Variants in MYH14 observed in about 807,000 individuals in gnomAD.
MYH14 encodes myosin-14.
A neutral mutation model predicts 255.5 loss-of-function variants in MYH14; 123 were observed. The observed-to-expected ratio is 0.48, with a 90% CI of 0.42 to 0.56. The LOEUF (loss-of-function observed/expected upper bound fraction) is 0.56. Ranked by LOEUF, MYH14 falls within the 20% of genes least tolerant of loss-of-function variation. The pLI is 0.00. For missense variants in MYH14, 2,423 were observed against 2,802.3 expected, an observed-to-expected ratio of 0.86 and a Z score of 3.06; for synonymous variants, 1,095 against 1,161.2, an observed-to-expected ratio of 0.94 and a Z score of 1.16.
intron 18 of MYH14, among the ~76,000 whole-genome samples, chr19:50,257,827 GGTGA>G (rs2034647976): frequency 1.3e-5 from 2 of 152,146 alleles, no homozygotes; most frequent in Admixed American, 6.6e-5. Context: ...CTGTAGGGGT[GGTGA>G]GTATCACACA....
chr19:50,271,997 G>C, intron 26 of MYH14, 25 bp downstream of exon 26: 1 of 1,602,162 alleles, frequency 6.2e-7, no homozygotes. Context: ...AGCCAGTAGG[G>C]GTCTGTGTGT....
intron 10 of MYH14, among the ~76,000 whole-genome samples, chr19:50,240,458 G>A (rs1354852168): frequency 6.6e-6 from 1 of 152,116 alleles, no homozygotes; most frequent in Non-Finnish European, 1.5e-5. Context: ...GTGAGCATCT[G>A]TAGTCCAGCT....
chr19:50,292,398 G>T lies in MYH14; in HGVS notation c.5256+9G>T. 6.4e-7 allele frequency: 1 copy of T among 1,564,570 alleles called. No individual in the cohort carries two copies. The highest frequency in any genetic ancestry group is 8.6e-7 in the Non-Finnish European group (1 of 1,156,516). The stretch of plus-strand genomic sequence containing the variant: ...TGCTGCGGCTGCAGGAGGTGAGGCT[G>T]GGGTAGGCTGGGCCCTGGGACAGGA... On this transcript the variant is annotated intron_variant, in intron 37 of 42. Coordinates refer to ENST00000642316, the MANE Select transcript of MYH14 (RefSeq NM_001145809.2).
intron 42 of MYH14, 177 bp downstream of exon 42, chr19:50,309,354 C>T: frequency 1.5e-6 from 1 of 658,708 alleles, no homozygotes; most frequent in Non-Finnish European, 2.7e-6. Context: ...CTTCTTTCTT[C>T]CCACACCCAT....
chr19:50,260,717 T>C lies in MYH14; in HGVS notation c.2424+2T>C. ...GGGAAGCAGGCCTGTGAAAAGATGG[T>C]GAGTGGGGCAGAGCCTGGAATGCGT... On this transcript the variant is annotated splice_donor_variant, in intron 20 of 42. Coordinates refer to ENST00000642316, the MANE Select transcript of MYH14 (RefSeq NM_001145809.2). LOFTEE classifies it high-confidence loss of function. 1.2e-6 allele frequency: 2 copies of C among 1,610,216 alleles called. No individual in the cohort carries two copies. The highest frequency in any genetic ancestry group is 1.7e-6 in the Non-Finnish European group (2 of 1,178,596).
chr19:50,284,367 T>G (rs2035820875), intron 33 of MYH14, among the ~76,000 whole-genome samples: 1 of 151,920 alleles, frequency 6.6e-6, no homozygotes, highest in Non-Finnish European at 1.5e-5. Flanking sequence ...TTTTGTTTGT[T>G]TGTTTGTTTT....
At chr19:50,228,209 C>A (rs1489442443) in intron 8 of MYH14, among the ~76,000 whole-genome samples, 1 of 151,286 alleles carries the variant, frequency 6.6e-6, no homozygotes, top group Non-Finnish European at 1.5e-5. Context: ...TTGCTTGAAC[C>A]TGGGAGGCAG....
intron 8 of MYH14, among the ~76,000 whole-genome samples, chr19:50,228,296 A>G (rs2033206860): frequency 6.6e-6 from 1 of 152,016 alleles, no homozygotes; most frequent in Non-Finnish European, 1.5e-5. Context: ...AAAAAAAAAA[A>G]AAAGGTTAAA....
Position 50,280,894 on chromosome 19 carries a change from T to C in MYH14, c.4290+511T>C, listed in dbSNP as rs1036083125. On this transcript the variant is annotated intron_variant, in intron 32 of 42. Transcript: ENST00000642316. This position sits in a 1 kb window ranked among gnomAD's most constrained non-coding sequence, Gnocchi z 4.8. Reference sequence around the variant, plus strand: ...TTTCCTATTTTATTTGAAAAAAACCTTTTATTTTTCCAGACTTAGCATTAG... The same window carrying C: ...TTTCCTATTTTATTTGAAAAAAACCCTTTATTTTTCCAGACTTAGCATTAG... Among the ~76,000 whole-genome samples, 4 of 152,206 alleles carry C rather than the reference T, an allele frequency of 2.6e-5. No homozygotes were observed. Among genetic ancestry groups the C allele is most frequent in the African/African-American group, 7.2e-5 (3 of 41,454 alleles).
At chr19:50,299,893 C>A (rs1030309282) in intron 39 of MYH14, among the ~76,000 whole-genome samples, 1 of 151,376 alleles carries the variant, frequency 6.6e-6, no homozygotes, top group Non-Finnish European at 1.5e-5. Flanking sequence ...TGCAGTGAGC[C>A]GAGATCGTGC....
At chr19:50,257,113 C>A (rs1341440010) in intron 17 of MYH14, among the ~76,000 whole-genome samples, 186 bp from the exon 18 acceptor site, 1 of 152,196 alleles carries the variant, frequency 6.6e-6, no homozygotes, top group African/African-American at 2.4e-5. Flanking sequence ...AGCACATTCT[C>A]CCACTCTTCA....
intron 18 of MYH14, among the ~76,000 whole-genome samples, chr19:50,257,932 G>T (rs386168): frequency 6.6e-6 from 1 of 151,878 alleles, no homozygotes; most frequent in Non-Finnish European, 1.5e-5. Flanking sequence ...AGGCAGAGAA[G>T]AGTTTGTACA....
intron 9 of MYH14, among the ~76,000 whole-genome samples, chr19:50,231,538 A>G (rs1348888235): frequency 2.6e-5 from 4 of 152,038 alleles, no homozygotes; most frequent in Non-Finnish European, 5.9e-5. Flanking sequence ...TGAGACCCCC[A>G]TCTCTGTAAA....
chr19:50,257,441 C>T lies in MYH14; in HGVS notation c.2187C>T (p.Thr729=). The stretch of plus-strand genomic sequence containing the variant: ...GCCTCATGGCCACACTCAGCAACAC[C>T]AACCCCAGTTTTGTCCGCTGCATTG... ...LSRLMATLSN[T]NPSFVRCIVP... Residue 729 remains threonine, a synonymous_variant, in exon 18 of 43, where the codon ACC becomes ACT. Coordinates refer to ENST00000642316, the MANE Select transcript of MYH14 (RefSeq NM_001145809.2). The T allele has an allele frequency of 6.2e-7, 1 of 1,608,042 alleles. No individual in the cohort carries two copies. Among genetic ancestry groups the T allele is most frequent in the Non-Finnish European group, 8.5e-7 (1 of 1,177,160 alleles).
Position 50,223,342 on chromosome 19 carries a change from G to A in MYH14, c.686G>A (p.Gly229Asp). 2 of 1,571,446 alleles carry A rather than the reference G, an allele frequency of 1.3e-6. No homozygotes were observed. Among genetic ancestry groups the A allele is most frequent in the Non-Finnish European group, 1.7e-6 (2 of 1,158,348 alleles). The change falls in exon 5 of 43, where the codon GGT becomes GAT. Residue 229 changes from glycine (G) to aspartate (D), a missense_variant. Gly to Asp is a moderately conservative substitution (Grantham distance 94). Around this residue, in one of 3 missense-constraint regions of MYH14, gnomAD observed 672 missense variants for 881.8 expected, o/e 0.76. Transcript: ENST00000642316. Reference protein sequence around the residue: ...ASSPKGRKEPGVPASVSTVSY... With the variant: ...ASSPKGRKEPDVPASVSTVSY... Reference sequence around the variant, plus strand: ...TCTCCAAAGGGCAGGAAGGAGCCGGGTGTCCCCGTAAGCAACCCCGCCTTG... The same window carrying A: ...TCTCCAAAGGGCAGGAAGGAGCCGGATGTCCCCGTAAGCAACCCCGCCTTG...
In MYH14 at chr19:50,250,157, G is replaced by A. The variant is rs1280139334; in HGVS notation, c.1656+334G>A. ...GCTCTATCGCCCAGGCTGGAGTGCA[G>A]CGGCGCGATCTCTGCTTACTGCAAG... is the stretch of plus-strand genomic sequence containing the variant. On this transcript the variant is annotated intron_variant, in intron 14 of 42. Coordinates refer to ENST00000642316, the MANE Select transcript of MYH14 (RefSeq NM_001145809.2). The surrounding 1 kb of genome is among the most constrained non-coding windows in gnomAD (Gnocchi z 5.4). Among the ~76,000 whole-genome samples the A allele has an allele frequency of 1.3e-5, 2 of 152,192 alleles. No homozygotes were observed. The highest frequency in any genetic ancestry group is 3.8e-4 in the East Asian group (2 of 5,196).
At chr19:50,209,783 C>CAAAAAAAAA (rs1209985827) in intron 1 of MYH14, among the ~76,000 whole-genome samples, 17 of 65,660 alleles carry the variant, frequency 2.6e-4, no homozygotes, top group African/African-American at 8.7e-4. Context: ...GACTCCATCT[C>CAAAAAAAAA]AAAAAAAAAA....
At chr19:50,281,986 TG>T (rs2035741921) in intron 33 of MYH14, 144 bp downstream of exon 33, 1 of 853,524 alleles carries the variant, frequency 1.2e-6, no homozygotes, top group Non-Finnish European at 1.8e-6. Flanking sequence ...TTCTTTGCTC[TG>T]GGCCTCTGTA....
chr19:50,300,010 G>A (rs950355223), intron 39 of MYH14, among the ~76,000 whole-genome samples: 4 of 152,094 alleles, frequency 2.6e-5, no homozygotes, highest in African/African-American at 7.2e-5. Context: ...TTTTAAATGG[G>A]TAGGATTCAA....
Sources: allele counts gnomAD v4.1 joint callset (sites outside exome capture counted in the v4.1 genomes callset), GRCh38; gene constraint gnomAD v4.1.1; regional missense constraint gnomAD v4.1.1; non-coding constraint Gnocchi (gnomAD v3.1); transcripts MANE v1.5; gene names NCBI Gene and HGNC (gene_info 2026-07-23, HGNC 2026-07-21).